SHISA6: variants seen among roughly 807,000 people sequenced by gnomAD.
The protein encoded by SHISA6 is protein shisa-6.
In SHISA6, 22 loss-of-function variants were observed where a neutral mutation model predicts 47.9. The observed-to-expected ratio is 0.46, with a 90% CI of 0.33 to 0.66. The LOEUF (loss-of-function observed/expected upper bound fraction) is 0.66. SHISA6 is among the 30% of genes least tolerant of loss of function. The pLI is 0.02. For missense variants in SHISA6, 680 were observed against 764.6 expected (o/e 0.89, Z 1.30); for synonymous variants, 388 against 337.8 (o/e 1.15, Z -1.63).
intron 2 of SHISA6, chr17:11,288,559 A>G (rs1909407272): frequency 6.6e-6 from 1 of 152,218 alleles, no homozygotes; most frequent in South Asian, 2.1e-4. Flanking sequence ...GCCTCTGTTT[A>G]AAAACAAAAC....
chr17:11,314,112 A>G (rs1255704803), intron 2 of SHISA6, among the ~76,000 whole-genome samples: 1 of 152,184 alleles, frequency 6.6e-6, no homozygotes, highest in Non-Finnish European at 1.5e-5. Context: ...CCAAACTGAC[A>G]GACTATGCCC....
intron 3 of SHISA6, among the ~76,000 whole-genome samples, chr17:11,444,249 G>T (rs1388049705): frequency 6.6e-6 from 1 of 152,150 alleles, no homozygotes; most frequent in Non-Finnish European, 1.5e-5. Context: ...AGCCCGGGAG[G>T]TAGAGGTTGC....
chr17:11,259,392 T>A (rs986641331), intron 1 of SHISA6, among the ~76,000 whole-genome samples: 2 of 152,208 alleles, frequency 1.3e-5, no homozygotes, highest in Non-Finnish European at 2.9e-5. Context: ...TATGATCCAA[T>A]GCATGTAAGA....
chr17:11,557,573 C>G (rs986399251), intron 5 of SHISA6, among the ~76,000 whole-genome samples, 181 bp from the exon 6 acceptor site: 1 of 152,226 alleles, frequency 6.6e-6, no homozygotes, highest in African/African-American at 2.4e-5. Flanking sequence ...ATGGTTTGCA[C>G]ATTCAATGGG....
At chr17:11,435,077 T>TA (rs1478935196) in intron 3 of SHISA6, among the ~76,000 whole-genome samples, 2 of 152,004 alleles carry the variant, frequency 1.3e-5, no homozygotes, top group African/African-American at 4.8e-5. Flanking sequence ...ATTAGTGTCT[T>TA]AAAAAAAGAG....
intron 3 of SHISA6, among the ~76,000 whole-genome samples, chr17:11,475,977 A>G (rs1478699794): frequency 1.3e-5 from 2 of 152,078 alleles, no homozygotes; most frequent in African/African-American, 4.8e-5. Context: ...ATACAGGCCC[A>G]TACAGATTGT....
intron 2 of SHISA6, among the ~76,000 whole-genome samples, chr17:11,360,922 TCTTGTTTTTCTC>T (rs1345425175): frequency 6.6e-6 from 1 of 151,758 alleles, no homozygotes; most frequent in Admixed American, 6.6e-5. Context: ...TTGAGGTCAC[TCTTGTTTTTCTC>T]AAACAGAACA....
chr17:11,358,163 C>T (rs889730931), intron 2 of SHISA6, among the ~76,000 whole-genome samples: 2 of 152,192 alleles, frequency 1.3e-5, no homozygotes, highest in African/African-American at 2.4e-5. Flanking sequence ...AACTAACGCT[C>T]TGTGCCCATT....
intron 2 of SHISA6, among the ~76,000 whole-genome samples, chr17:11,346,009 G>A (rs1227584181): frequency 6.6e-6 from 1 of 152,082 alleles, no homozygotes; most frequent in Admixed American, 6.5e-5. Context: ...AGTTGTGAGC[G>A]AACATAGTTG....
At chr17:11,271,621 T>A (rs12941082) in intron 2 of SHISA6, among the ~76,000 whole-genome samples, 59 of 60,788 alleles carry the variant, frequency 9.7e-4, no homozygotes, top group East Asian at 2.3e-3. Context: ...TTTTTTTTTT[T>A]TTTTTTTTTT....
chr17:11,330,181 T>C (rs1000471433), intron 2 of SHISA6, among the ~76,000 whole-genome samples: 29 of 152,176 alleles, frequency 1.9e-4, no homozygotes, highest in Non-Finnish European at 3.5e-4. Context: ...GGCTCGTATC[T>C]GAACCGGTTT....
rs1414851165 is a variant in SHISA6 at position 11,509,773 on chromosome 17, A to G, written c.896-42123A>G. Among the ~76,000 whole-genome samples the G allele has an allele frequency of 5.1e-4, 78 of 152,172 alleles. 1 individual carries two copies. Among genetic ancestry groups the G allele is most frequent in the Non-Finnish European group, 1.5e-5 (1 of 68,024 alleles). On this transcript the variant is annotated intron_variant, in intron 3 of 5. Coordinates refer to ENST00000441885, the MANE Select transcript of SHISA6 (RefSeq NM_207386.4). ...GTCCCACTCTGGGATAGAAGAGAGA[A>G]AGCAAGCTAAGGTGGCAGAGGGCAG...
chr17:11,379,228 A>G (rs1197223120), intron 2 of SHISA6, among the ~76,000 whole-genome samples, 186 bp from the exon 3 acceptor site: 1 of 148,260 alleles, frequency 6.7e-6, no homozygotes, highest in Non-Finnish European at 1.5e-5. Flanking sequence ...AGTAATATAT[A>G]TATTTTTCAT....
intron 3 of SHISA6, among the ~76,000 whole-genome samples, chr17:11,436,778 T>G (rs1488376208): frequency 2.0e-5 from 3 of 152,202 alleles, no homozygotes; most frequent in Admixed American, 6.5e-5. Context: ...CTTCGTTGTT[T>G]TAGTAAAGCA....
chr17:11,410,729 TG>T (rs1914090879), intron 3 of SHISA6, among the ~76,000 whole-genome samples: 1 of 152,176 alleles, frequency 6.6e-6, no homozygotes. Context: ...TGTCAAAGTG[TG>T]GTCCCTGGAC....
chr17:11,289,623 C>T (rs1430191765), intron 2 of SHISA6: 6 of 149,490 alleles, frequency 4.0e-5, no homozygotes, highest in Admixed American at 6.7e-5. Context: ...CAATATTTTC[C>T]ATTTATTCTA....
At chr17:11,396,395 G>C (rs961754973) in intron 3 of SHISA6, among the ~76,000 whole-genome samples, 5 of 152,124 alleles carry the variant, frequency 3.3e-5, no homozygotes, top group African/African-American at 1.2e-4. Flanking sequence ...TTTATTAAAA[G>C]AATTAGGGTT....
intron 3 of SHISA6, among the ~76,000 whole-genome samples, chr17:11,444,278 C>G (rs1433868751): frequency 6.6e-6 from 1 of 152,090 alleles, no homozygotes; most frequent in East Asian, 1.9e-4. Context: ...GAGATCGTGT[C>G]ACTGCACTCT....
At chr17:11,269,514 TG>T (rs1489144478) in intron 2 of SHISA6, among the ~76,000 whole-genome samples, 1 of 152,130 alleles carries the variant, frequency 6.6e-6, no homozygotes, top group African/African-American at 2.4e-5. Context: ...AAAGCACGGG[TG>T]GCTTGGAAGC....
Sources: gnomAD v4.1 joint callset for allele counts (sites outside exome capture counted in the v4.1 genomes callset) on GRCh38, gnomAD v4.1.1 for gene constraint, MANE v1.5 for transcripts, NCBI Gene and HGNC (gene_info 2026-07-23, HGNC 2026-07-21) for gene names.